SEZ6L: variants seen among roughly 807,000 people sequenced by gnomAD.
SEZ6L encodes the protein seizure 6-like protein.
SEZ6L carries 37 observed loss-of-function variants against 106.2 expected under a neutral mutation model. That is an observed-to-expected ratio of 0.35 (90% confidence interval 0.27 to 0.46). SEZ6L has a LOEUF of 0.46. Among genes scored for constraint, SEZ6L ranks in the 20% least tolerant of loss-of-function variants. The probability of loss-of-function intolerance (pLI) is 1.00; values close to 1 mark genes in which losing one functional copy is unlikely to be tolerated. For synonymous variants in SEZ6L, 541 were observed against 570.4 expected (o/e 0.95, Z 0.73); for missense variants, 1,172 against 1,332.8 (o/e 0.88, Z 1.88).
intron 12 of SEZ6L, among the ~76,000 whole-genome samples, chr22:26,362,417 C>T (rs1035494887): frequency 1.3e-5 from 2 of 152,240 alleles, no homozygotes; most frequent in Admixed American, 6.5e-5. Flanking sequence ...CTGCCTCTCT[C>T]GCTCAACTAT....
At chr22:26,203,312 G>A (rs182957088) in intron 1 of SEZ6L, among the ~76,000 whole-genome samples, 1 of 152,338 alleles carries the variant, frequency 6.6e-6, no homozygotes, top group Admixed American at 6.5e-5. Context: ...GATTGAGTTA[G>A]ATGAGGCCTT....
intron 1 of SEZ6L, among the ~76,000 whole-genome samples, chr22:26,275,986 T>G (rs1254865948): frequency 6.6e-6 from 1 of 152,162 alleles, no homozygotes; most frequent in Non-Finnish European, 1.5e-5. Flanking sequence ...CTCACCTCAC[T>G]GGGGCATAAG....
chr22:26,233,647 ATTC>A (rs1269763101), intron 1 of SEZ6L, among the ~76,000 whole-genome samples: 6 of 152,364 alleles, frequency 3.9e-5, no homozygotes, highest in Non-Finnish European at 7.3e-5. Flanking sequence ...CCATTCCCTC[ATTC>A]TACATGTATT....
chr22:26,367,927 A>G (rs2083877298), intron 13 of SEZ6L, among the ~76,000 whole-genome samples: 1 of 152,224 alleles, frequency 6.6e-6, no homozygotes. Context: ...CTTAGAATCC[A>G]TTGAACACTC....
rs1938437422 is a variant in SEZ6L, at chr22:26,169,691, G to T, written c.22G>T (p.Ala8Ser). MPAARPPAAGLRGISLFL... is the reference protein window; with the variant it reads MPAARPPSAGLRGISLFL... ...CACGATGCCCGCGGCCCGGCCGCCC[G>T]CCGCGGGACTCCGCGGGATCTCGCT... is the stretch of plus-strand genomic sequence containing the variant. Residue 8 changes from alanine to serine, a missense_variant, in exon 1 of 17, where the codon GCC becomes TCC. Coordinates refer to ENST00000248933, the MANE Select transcript of SEZ6L (RefSeq NM_021115.5). 4 of 1,318,282 alleles carry T rather than the reference G, an allele frequency of 3.0e-6. No homozygotes were observed. 81.7% of individuals were successfully genotyped at this position (1,318,282 alleles called of 1,614,324 possible). A position where few individuals can be genotyped will look rare whatever the true frequency, so the allele number is the denominator to read the frequency against.
At chr22:26,265,352 T>C (rs2080142217) in intron 1 of SEZ6L, among the ~76,000 whole-genome samples, 1 of 152,132 alleles carries the variant, frequency 6.6e-6, no homozygotes, top group Non-Finnish European at 1.5e-5. Context: ...CGCACGCAAG[T>C]TCTGAGCTGA....
intron 16 of SEZ6L, among the ~76,000 whole-genome samples, chr22:26,379,827 C>T (rs1349228748): frequency 6.6e-6 from 1 of 152,196 alleles, no homozygotes; most frequent in Non-Finnish European, 1.5e-5. Flanking sequence ...TATAGTAATG[C>T]TGAGTAACAA....
intron 1 of SEZ6L, among the ~76,000 whole-genome samples, chr22:26,270,235 G>A (rs2080320320): frequency 6.6e-6 from 1 of 152,166 alleles, no homozygotes; most frequent in Non-Finnish European, 1.5e-5. Flanking sequence ...AGGGCTCAGT[G>A]ATTATTATGG....
At chr22:26,313,605 C>A (rs1016957973) in intron 8 of SEZ6L, among the ~76,000 whole-genome samples, 159 bp from the exon 9 acceptor site, 1 of 14,916 alleles carries the variant, frequency 6.7e-5, no homozygotes, top group African/African-American at 7.4e-4. Context: ...CACACACACG[C>A]ACACACACAC....
At chr22:26,298,085 T>C (rs1438509007) in intron 4 of SEZ6L, among the ~76,000 whole-genome samples, 1 of 152,170 alleles carries the variant, frequency 6.6e-6, no homozygotes, top group Non-Finnish European at 1.5e-5. Context: ...AACTTTTCTC[T>C]CACCTGTTTC....
intron 5 of SEZ6L, 67 bp downstream of exon 5, chr22:26,299,236 G>A: frequency 8.0e-7 from 1 of 1,245,324 alleles, no homozygotes; most frequent in Non-Finnish European, 1.0e-6. Context: ...CAACCTGTAG[G>A]ACACCGAGAG....
intron 9 of SEZ6L, among the ~76,000 whole-genome samples, chr22:26,328,332 C>A (rs2082383173): frequency 6.6e-6 from 1 of 152,140 alleles, no homozygotes; most frequent in South Asian, 2.1e-4. Context: ...AGGAAAAATG[C>A]TCTTGTAGTG....
chr22:26,373,421 T>C (rs759710852), intron 13 of SEZ6L, 30 bp from the exon 14 acceptor site: 2 of 1,595,712 alleles, frequency 1.3e-6, no homozygotes, highest in Non-Finnish European at 1.7e-6. Flanking sequence ...TCACTTTACA[T>C]TGACCAATGC....
chr22:26,281,352 C>A (rs1348945290), intron 1 of SEZ6L, among the ~76,000 whole-genome samples: 1 of 150,188 alleles, frequency 6.7e-6, no homozygotes, highest in Admixed American at 6.6e-5. Context: ...AAATAAGTTT[C>A]TTTTCTTTTC....
chr22:26,309,532 T>G (rs917336866), intron 6 of SEZ6L, among the ~76,000 whole-genome samples: 1 of 152,188 alleles, frequency 6.6e-6, no homozygotes, highest in South Asian at 2.1e-4. Flanking sequence ...AGACAGAGCC[T>G]GGTGGGAGTC....
chr22:26,327,088 C>A lies in SEZ6L; in HGVS notation c.2015+13186C>A, dbSNP rs368310643. On this transcript the variant is annotated intron_variant, in intron 9 of 16. Transcript: ENST00000248933. Reference sequence around the variant, plus strand: ...GATGCGGACGCAGAATGGCAGGAAGCGGCGACCCCAGCCACTGCCAGCTTC... The same window carrying A: ...GATGCGGACGCAGAATGGCAGGAAGAGGCGACCCCAGCCACTGCCAGCTTC... 8.5e-5 allele frequency among the ~76,000 whole-genome samples: 13 copies of A among 152,200 alleles called. No homozygotes were observed. The East Asian group carries it at 1.2e-3, about 14-fold the overall frequency.
intron 1 of SEZ6L, among the ~76,000 whole-genome samples, chr22:26,277,037 C>T (rs577148322): frequency 4.2e-4 from 64 of 151,600 alleles, no homozygotes; most frequent in Non-Finnish European, 6.3e-4. Context: ...GAGGCCCATT[C>T]GTGGGGGAGA....
chr22:26,173,632 C>G (rs1348936346), intron 1 of SEZ6L, among the ~76,000 whole-genome samples: 1 of 152,180 alleles, frequency 6.6e-6, no homozygotes, highest in African/African-American at 2.4e-5. Context: ...TCCTATGTGT[C>G]TTAGTTCAAC....
In SEZ6L at chr22:26,302,896, C is replaced by T. The variant is rs111260980; in HGVS notation, c.1349-3083C>T. Among the ~76,000 whole-genome samples, 7 of 152,310 alleles carry T rather than the reference C, an allele frequency of 4.6e-5. 1 individual carries two copies. In the South Asian group the frequency reaches 1.4e-3, roughly 32 times the overall value. The stretch of plus-strand genomic sequence containing the variant: ...CTTGGGAGGACAGATGGCCAGAGCC[C>T]CCCACCAGGGACAGTGTCCTCCATT... On this transcript the variant is annotated intron_variant, in intron 5 of 16. Transcript: ENST00000248933.
Sources: gnomAD v4.1 joint callset for allele counts (sites outside exome capture counted in the v4.1 genomes callset) on GRCh38, gnomAD v4.1.1 for gene constraint, MANE v1.5 for transcripts, NCBI Gene and HGNC (gene_info 2026-07-23, HGNC 2026-07-21) for gene names.